ZNF100: variants seen among roughly 807,000 people sequenced by gnomAD.
ZNF100 encodes zinc finger protein 100 (Y1).
ZNF100 carries 12 observed loss-of-function variants against 15.8 expected under a neutral mutation model. That is an observed-to-expected ratio of 0.76 (90% CI 0.49 to 1.23). ZNF100 has a LOEUF of 1.23. Among genes scored for constraint, ZNF100 ranks in the 50% most tolerant of loss-of-function variants. ZNF100 has a pLI of 0.00. For missense variants in ZNF100, 670 were observed against 635.6 expected, an observed-to-expected ratio of 1.05 and a Z score of -0.58; for synonymous variants, 226 against 214.8, an observed-to-expected ratio of 1.05 and a Z score of -0.45.
chr19:21,750,346 T>C (rs1252435035), intron 2 of ZNF100, among the ~76,000 whole-genome samples: 2 of 152,124 alleles, frequency 1.3e-5, no homozygotes, highest in Non-Finnish European at 2.9e-5. Context: ...CAGCTCATTA[T>C]ATAAAAACAG....
At chr19:21,754,150 C>A (rs1452075834) in intron 2 of ZNF100, among the ~76,000 whole-genome samples, 5 of 151,778 alleles carry the variant, frequency 3.3e-5, no homozygotes, top group Admixed American at 3.3e-4. Flanking sequence ...TATTTCACAT[C>A]ATATTGTGCT....
intron 4 of ZNF100, among the ~76,000 whole-genome samples, chr19:21,738,066 C>T (rs1239206255): frequency 6.6e-6 from 1 of 151,776 alleles, no homozygotes; most frequent in Non-Finnish European, 1.5e-5. Context: ...GCCTGGCCAA[C>T]ATGGTGAAAC....
At position 21,729,393 on chromosome 19, in the gene ZNF100, A is replaced by AAAT. The variant is rs1223224323; in HGVS notation, c.323-1405_323-1404insATT. Among the ~76,000 whole-genome samples the AAAT allele has an allele frequency of 4.0e-5, 6 of 151,762 alleles. No individual in the cohort carries two copies. In the East Asian group the frequency reaches 9.7e-4, roughly 25 times the overall value. The stretch of plus-strand genomic sequence containing the variant: ...CTATTGAAAATAACATGATTCAACA[A>AAAT]AAACAACACAGTCAAATAAAAATAC... On this transcript the variant is annotated intron_variant, in intron 4 of 4. Transcript: ENST00000358296.
intron 1 of ZNF100, 76 bp from the exon 2 acceptor site, chr19:21,765,862 T>C: frequency 7.0e-7 from 1 of 1,421,344 alleles, no homozygotes; most frequent in South Asian, 1.2e-5. Context: ...ATATCTCGGT[T>C]TATCCACAGA....
chr19:21,766,034 G>T (rs544793100), intron 1 of ZNF100, among the ~76,000 whole-genome samples: 1 of 152,160 alleles, frequency 6.6e-6, no homozygotes, highest in South Asian at 2.1e-4. Context: ...CTACAATACA[G>T]TGTCAGAGGA....
intron 4 of ZNF100, among the ~76,000 whole-genome samples, chr19:21,738,103 T>C (rs1382621688): frequency 1.3e-5 from 2 of 151,348 alleles, no homozygotes; most frequent in Non-Finnish European, 2.9e-5. Context: ...ATACAAAAAT[T>C]ATCTGGGTGT....
chr19:21,754,787 T>A (rs868087750), intron 2 of ZNF100, among the ~76,000 whole-genome samples: 29 of 152,128 alleles, frequency 1.9e-4, no homozygotes, highest in African/African-American at 6.3e-4. Flanking sequence ...AAAGCCAAAA[T>A]TTGACAAATG....
At chr19:21,749,657 C>T (rs1181585882) in intron 2 of ZNF100, among the ~76,000 whole-genome samples, 4 of 152,174 alleles carry the variant, frequency 2.6e-5, no homozygotes, top group South Asian at 2.1e-4. Context: ...GCCTTGATCT[C>T]TCACTCTTAA....
intron 4 of ZNF100, among the ~76,000 whole-genome samples, chr19:21,743,538 T>C (rs2036156166): frequency 6.6e-6 from 1 of 152,066 alleles, no homozygotes. Context: ...TTCAAGAATA[T>C]AGTAATAAAA....
intron 4 of ZNF100, among the ~76,000 whole-genome samples, chr19:21,731,410 G>C (rs531666429): frequency 6.6e-6 from 1 of 151,592 alleles, no homozygotes; most frequent in East Asian, 1.9e-4. Context: ...CTGGGTTCAA[G>C]TGATTCTCCT....
chr19:21,735,500 C>CAAAAAAA (rs35742501), intron 4 of ZNF100, among the ~76,000 whole-genome samples: 1 of 82,224 alleles, frequency 1.2e-5, no homozygotes, highest in Non-Finnish European at 2.3e-5. Context: ...GACTCTGTCT[C>CAAAAAAA]AAAAAAAAAA....
intron 2 of ZNF100, chr19:21,751,027 C>G: frequency 7.7e-7 from 1 of 1,303,346 alleles, no homozygotes; most frequent in East Asian, 2.3e-5. Context: ...CGAGGGCCAC[C>G]ACCTGCAGCA....
chr19:21,734,179 T>C (rs35966728), intron 4 of ZNF100, among the ~76,000 whole-genome samples: 13,084 of 152,002 alleles, frequency 0.086, 712 homozygotes, highest in South Asian at 0.18. Context: ...CAAAACATAT[T>C]TCCAGCAAGA....
At position 21,725,547 on chromosome 19, in the gene ZNF100, C is replaced by T. The variant is rs988320385; in HGVS notation, c.*1136G>A. Reference sequence around the variant, plus strand: ...TAGCAAAGTTTATAAATAATGCTCACCTAATAAAAAAGAATCTCTCATATC... The same window carrying T: ...TAGCAAAGTTTATAAATAATGCTCATCTAATAAAAAAGAATCTCTCATATC... On this transcript the variant is annotated 3_prime_UTR_variant, in exon 5 of 5. Transcript: ENST00000358296. 1.8e-4 allele frequency: 27 copies of T among 151,922 alleles called. 1 individual carries two copies. Among genetic ancestry groups the T allele is most frequent in the Admixed American group, 2.0e-4 (3 of 15,256 alleles). The allele number at this position is 151,922 out of a possible 1,614,324, so 9.4% of individuals were successfully genotyped here. A position where few individuals can be genotyped will look rare whatever the true frequency, so the allele number is the denominator to read the frequency against.
At chr19:21,765,876 T>C in intron 1 of ZNF100, 90 bp from the exon 2 acceptor site, 1 of 1,305,304 alleles carries the variant, frequency 7.7e-7, no homozygotes, top group Non-Finnish European at 1.1e-6. Flanking sequence ...CCACAGATAG[T>C]ACTGAAACCC....
At position 21,723,661 on chromosome 19, in the gene ZNF100, T is replaced by TCA. The variant is rs1359597327; in HGVS notation, c.*3021_*3022insTG. On this transcript the variant is annotated 3_prime_UTR_variant, in exon 5 of 5. Coordinates refer to ENST00000358296, the MANE Select transcript of ZNF100 (RefSeq NM_173531.4). ...ATTTTATTTCTTCACCACTGATGTT[T>TCA]TCCATCTCTGAACTGAAGTTACAAG... is the stretch of plus-strand genomic sequence containing the variant. 6.6e-6 allele frequency: 1 copy of TCA among 152,328 alleles called. No homozygotes were observed. The highest frequency in any genetic ancestry group is 1.9e-4 in the East Asian group (1 of 5,180). 9.4% of individuals were successfully genotyped at this position (152,328 alleles called of 1,614,324 possible). A position where few individuals can be genotyped will look rare whatever the true frequency, so the allele number is the denominator to read the frequency against.
chr19:21,733,796 A>G (rs2035963481), intron 4 of ZNF100, among the ~76,000 whole-genome samples: 1 of 152,276 alleles, frequency 6.6e-6, no homozygotes, highest in South Asian at 2.1e-4. Flanking sequence ...GACAACTTAT[A>G]AAGAAGTATT....
intron 2 of ZNF100, among the ~76,000 whole-genome samples, chr19:21,757,827 A>G (rs748600020): frequency 6.6e-6 from 1 of 152,240 alleles, no homozygotes; most frequent in African/African-American, 2.4e-5. Context: ...CCTTAGCTCA[A>G]GAGTTCAAGA....
At chr19:21,734,813 G>T (rs569180548) in intron 4 of ZNF100, among the ~76,000 whole-genome samples, 1 of 152,184 alleles carries the variant, frequency 6.6e-6, no homozygotes, top group Admixed American at 6.5e-5. Flanking sequence ...CAACCGGAAG[G>T]CCAGGTCACC....
Sources: allele counts gnomAD v4.1 joint callset (sites outside exome capture counted in the v4.1 genomes callset), GRCh38; gene constraint gnomAD v4.1.1; transcripts MANE v1.5; gene names NCBI Gene and HGNC (gene_info 2026-07-23, HGNC 2026-07-21).